Variants in DCAF4 observed in about 807,000 individuals in gnomAD.
The protein encoded by DCAF4 is DDB1- and CUL4-associated factor 4.
DCAF4 carries 37 observed loss-of-function variants against 60.9 expected under a neutral mutation model. The ratio of observed to expected loss-of-function variants is 0.61; its 90% CI spans 0.47 to 0.80. The LOEUF is 0.80. DCAF4 is among the 30% of genes least tolerant of loss of function. DCAF4 has a pLI of 0.00. For synonymous variants in DCAF4, 243 were observed against 254.8 expected (o/e 0.95, Z 0.44); for missense variants, 577 against 650.0 (o/e 0.89, Z 1.22).
At chr14:72,952,013 C>G in intron 9 of DCAF4, 136 bp downstream of exon 9, 1 of 823,538 alleles carries the variant, frequency 1.2e-6, no homozygotes, top group Non-Finnish European at 1.9e-6. Flanking sequence ...GGGTTAGTAC[C>G]AGAAGCATGT....
intron 2 of DCAF4, among the ~76,000 whole-genome samples, chr14:72,939,283 A>G (rs530316148): frequency 1.3e-5 from 2 of 152,152 alleles, no homozygotes; most frequent in Non-Finnish European, 2.9e-5. Flanking sequence ...TGGATTTACA[A>G]ATCAAGTGTT....
chr14:72,933,189 C>T (rs1178280035), intron 1 of DCAF4, among the ~76,000 whole-genome samples: 4 of 152,194 alleles, frequency 2.6e-5, no homozygotes, highest in Non-Finnish European at 5.9e-5. Flanking sequence ...CCAGACATTG[C>T]CAGATGTCCC....
chr14:72,930,353 C>G (rs566239295), intron 1 of DCAF4, among the ~76,000 whole-genome samples: 2 of 152,068 alleles, frequency 1.3e-5, no homozygotes, highest in Non-Finnish European at 2.9e-5. Context: ...ACTGCAGCCT[C>G]CACCTCCCGG....
At chr14:72,953,636 G>A (rs1187764546) in intron 9 of DCAF4, among the ~76,000 whole-genome samples, 1 of 144,080 alleles carries the variant, frequency 6.9e-6, no homozygotes, top group Non-Finnish European at 1.5e-5. Context: ...CTTGAGCCTG[G>A]GAGGTTGAGG....
chr14:72,951,840 C>G lies in DCAF4; in HGVS notation c.771C>G (p.Thr257=). 1 of 1,614,106 alleles carries G rather than the reference C, an allele frequency of 6.2e-7. No individual in the cohort carries two copies. The highest frequency in any genetic ancestry group is 1.7e-4 in the Middle Eastern group (1 of 6,058). ...MGLAETPGCA[T]LLPASLFVNS... is the part of the protein sequence containing the mutation. The stretch of plus-strand genomic sequence containing the variant: ...TCGCAGAGACTCCAGGCTGTGCCAC[C>G]CTGCTCCCAGCATCACTGTTCGTCA... Residue 257 remains threonine, a synonymous_variant, in exon 9 of 14, where the codon ACC becomes ACG. Transcript: ENST00000358377.
chr14:72,932,271 G>A (rs943991575), intron 1 of DCAF4, among the ~76,000 whole-genome samples: 1 of 152,164 alleles, frequency 6.6e-6, no homozygotes. Context: ...GCTTACAGGC[G>A]TGAGCCACTG....
intron 8 of DCAF4, among the ~76,000 whole-genome samples, chr14:72,949,970 T>C (rs1363404000): frequency 6.6e-6 from 1 of 152,102 alleles, no homozygotes; most frequent in African/African-American, 2.4e-5. Flanking sequence ...GCCACCTTCC[T>C]GGAGGGAGAC....
chr14:72,930,925 A>G (rs1888487787), intron 1 of DCAF4, among the ~76,000 whole-genome samples: 1 of 152,194 alleles, frequency 6.6e-6, no homozygotes, highest in South Asian at 2.1e-4. Context: ...ATAGATAGGC[A>G]TATGGGTTTA....
chr14:72,930,079 G>A (rs1449287605), intron 1 of DCAF4: 2 of 541,544 alleles, frequency 3.7e-6, no homozygotes, highest in South Asian at 2.5e-5. Context: ...TGCCGGGAGC[G>A]GAGATCGCGC....
At position 72,928,971 on chromosome 14, in the gene DCAF4, C is replaced by T. The variant is rs530771858; in HGVS notation, c.-9+2428C>T. On this transcript the variant is annotated intron_variant, in intron 1 of 13. Transcript: ENST00000358377. Reference sequence around the variant, plus strand: ...CCGACCCCCTGTGCTGTCAAGCCTACCTCCCAGGGGAGGCGAGGCCAGCCC... The same window carrying T: ...CCGACCCCCTGTGCTGTCAAGCCTATCTCCCAGGGGAGGCGAGGCCAGCCC... Among the ~76,000 whole-genome samples the T allele has an allele frequency of 1.7e-3, 159 of 92,522 alleles. 2 individuals are homozygous for T. In the East Asian group the frequency reaches 0.037, roughly 21 times the overall value. 60.7% of individuals were successfully genotyped at this position (92,522 alleles called of 152,430 possible).
rs1198297371 is a variant in DCAF4 at position 72,955,702 on chromosome 14, G to A, written c.1179+6G>A. 6.2e-7 allele frequency: 1 copy of A among 1,611,274 alleles called. No individual in the cohort carries two copies. The highest frequency in any genetic ancestry group is 1.3e-5 in the African/African-American group (1 of 74,850). ...CTTCAGACATGGCTGGAAAGGTAGG[G>A]GATCATGGACTTTCTCAGGCCACAG... On this transcript the variant is annotated splice_donor_region_variant and intron_variant, in intron 12 of 13. Coordinates refer to ENST00000358377, the MANE Select transcript of DCAF4 (RefSeq NM_015604.4).
rs1003575474 is a variant in DCAF4 at position 72,927,306 on chromosome 14, T to A, written c.-9+763T>A. Among the ~76,000 whole-genome samples the A allele has an allele frequency of 5.3e-5, 8 of 151,000 alleles. 1 individual carries two copies. In the South Asian group the frequency reaches 1.5e-3, roughly 28 times the overall value. On this transcript the variant is annotated intron_variant, in intron 1 of 13. Transcript: ENST00000358377. The stretch of plus-strand genomic sequence containing the variant: ...CAATTCCAAAGTCCCAAACTCTGAT[T>A]TTAAATAACGATGGAAATTAGAGTC...
chr14:72,941,362 T>C (rs1890019844), intron 4 of DCAF4, among the ~76,000 whole-genome samples: 2 of 152,208 alleles, frequency 1.3e-5, no homozygotes, highest in South Asian at 2.1e-4. Context: ...GACGCTAACA[T>C]ATTTTGTTGT....
intron 2 of DCAF4, among the ~76,000 whole-genome samples, chr14:72,939,165 C>G (rs758707671): frequency 6.6e-6 from 1 of 152,106 alleles, no homozygotes; most frequent in Non-Finnish European, 1.5e-5. Flanking sequence ...ACCAGTCTGG[C>G]CAACACGGCG....
At position 72,941,745 on chromosome 14, in the gene DCAF4, A is replaced by C. The variant is rs1377519081; in HGVS notation, c.352A>C (p.Ile118Leu). ...LLQEEDRRKK[I>L]ARMGFNASSM... ...GTTCTCTTTTTTGTAATAAATATAG[A>C]TTGCCAGGATGGGATTTAATGCATC... Residue 118 changes from isoleucine (I) to leucine (L), a missense_variant and splice_region_variant, in exon 5 of 14, where the codon ATT (isoleucine) becomes CTT (leucine). Ile to Leu is a conservative substitution (Grantham distance 5). Transcript: ENST00000358377. 1 of 1,613,350 alleles carries C rather than the reference A, an allele frequency of 6.2e-7. No individual in the cohort carries two copies. Among genetic ancestry groups the C allele is most frequent in the Non-Finnish European group, 8.5e-7 (1 of 1,179,792 alleles).
rs1555527852 is a variant in DCAF4, at chr14:72,953,732, A to AAAAAAAAATATAT, written c.809-431_809-430insAAAAAAATATATA. Among the ~76,000 whole-genome samples, 7 of 21,764 alleles carry AAAAAAAAATATAT rather than the reference A, an allele frequency of 3.2e-4. 1 individual carries two copies. The highest frequency in any genetic ancestry group is 1.2e-3 in the African/African-American group (5 of 4,300). 14.3% of individuals were successfully genotyped at this position (21,764 alleles called of 152,430 possible). On this transcript the variant is annotated intron_variant, in intron 9 of 13. Transcript: ENST00000358377. The stretch of plus-strand genomic sequence containing the variant: ...CTTAAAAAAAAAAAAAAAAAAAAAA[A>AAAAAAAAATATAT]ATATATATATATATATATATATATA...
At position 72,959,310 on chromosome 14, in the gene DCAF4, C is replaced by G. The variant is rs1198350394; in HGVS notation, c.*505C>G. 4 of 985,728 alleles carry G rather than the reference C, an allele frequency of 4.1e-6. No individual in the cohort carries two copies. Among genetic ancestry groups the G allele is most frequent in the Non-Finnish European group, 4.8e-6 (4 of 830,154 alleles). 61.1% of individuals were successfully genotyped at this position (985,728 alleles called of 1,614,324 possible). A position where few individuals can be genotyped will look rare whatever the true frequency, so the allele number is the denominator to read the frequency against. ...TAAGTTTCTGCAGAAATATTGAAGG[C>G]TGGAGTTTGGAATCCTTAAACTTGG... On this transcript the variant is annotated 3_prime_UTR_variant, in exon 14 of 14. Transcript: ENST00000358377.
intron 1 of DCAF4, among the ~76,000 whole-genome samples, chr14:72,928,284 C>T (rs748837905): frequency 3.3e-5 from 5 of 150,498 alleles, no homozygotes; most frequent in Non-Finnish European, 7.4e-5. Context: ...ACCTCCGCCT[C>T]CCAGGTTTAA....
intron 1 of DCAF4, among the ~76,000 whole-genome samples, chr14:72,928,596 T>TAA (rs1567290167): frequency 3.6e-5 from 1 of 27,930 alleles, no homozygotes; most frequent in Non-Finnish European, 7.9e-5. Flanking sequence ...TATATATATA[T>TAA]ATATATATAT....
Sources: gnomAD v4.1 joint callset for allele counts (sites outside exome capture counted in the v4.1 genomes callset) on GRCh38, gnomAD v4.1.1 for gene constraint, MANE v1.5 for transcripts, NCBI Gene and HGNC (gene_info 2026-07-23, HGNC 2026-07-21) for gene names.